Variants in MAML3 observed in about 807,000 individuals in gnomAD.
MAML3 encodes the protein mastermind like transcriptional coactivator 3.
Under a neutral mutation model 101.9 loss-of-function variants are expected in MAML3, and 27 were observed. The observed-to-expected ratio is 0.27, with a 90% CI of 0.20 to 0.37. The LOEUF is 0.37. Among genes scored for constraint, MAML3 ranks in the 10% least tolerant of loss-of-function variants. MAML3 has a pLI of 1.00. For missense variants in MAML3, 1,316 were observed against 1,444.9 expected, an observed-to-expected ratio of 0.91 and a Z score of 1.45; for synonymous variants, 501 against 555.9, an observed-to-expected ratio of 0.90 and a Z score of 1.39.
chr4:140,049,043 C>T (rs1485568357), intron 1 of MAML3, among the ~76,000 whole-genome samples: 1 of 152,106 alleles, frequency 6.6e-6, no homozygotes, highest in Non-Finnish European at 1.5e-5. Context: ...GGTCAACAGA[C>T]GTCTTTATTC....
At position 140,069,360 on chromosome 4, in the gene MAML3, G is replaced by GAGA. The variant is rs1343566107; in HGVS notation, c.468+83497_468+83499dup. Among the ~76,000 whole-genome samples, 77 of 33,800 alleles carry GAGA rather than the reference G, an allele frequency of 2.3e-3. 1 individual carries two copies. In the East Asian group the frequency reaches 0.024, roughly 11 times the overall value. The allele number at this position is 33,800 out of a possible 152,430, so 22.2% of individuals were successfully genotyped here. A position where few individuals can be genotyped will look rare whatever the true frequency, so the allele number is the denominator to read the frequency against. Reference sequence around the variant, plus strand: ...GGAGAAGGAGAAGGAGAAGGAGAAGGAGAAGAAGAAGAAGAAGAAGAAGAA... The same window carrying GAGA: ...GGAGAAGGAGAAGGAGAAGGAGAAGGAGAAGAAGAAGAAGAAGAAGAAGAAGAA... On this transcript the variant is annotated intron_variant, in intron 1 of 4. Coordinates refer to ENST00000509479, the MANE Select transcript of MAML3 (RefSeq NM_018717.5).
At chr4:139,980,083 A>G (rs1320844051) in intron 1 of MAML3, among the ~76,000 whole-genome samples, 1 of 151,980 alleles carries the variant, frequency 6.6e-6, no homozygotes, top group Non-Finnish European at 1.5e-5. Context: ...CTCTCCCTTT[A>G]TGCATTCGGC....
chr4:139,719,963 G>T lies in MAML3; in HGVS notation c.2777C>A (p.Thr926Asn). 1 of 1,614,100 alleles carries T rather than the reference G, an allele frequency of 6.2e-7. No homozygotes were observed. Among genetic ancestry groups the T allele is most frequent in the Non-Finnish European group, 8.5e-7 (1 of 1,179,916 alleles). The change falls in exon 5 of 5, where the codon ACC becomes AAC. Residue 926 changes from threonine to asparagine, a missense_variant. Coordinates refer to ENST00000509479, the MANE Select transcript of MAML3 (RefSeq NM_018717.5). Reference sequence around the variant, plus strand: ...CCCTTTCATCTGTGGATGTTGCTGGGTAATGGCTGAGTTCACCAGCATGCT... The same window carrying T: ...CCCTTTCATCTGTGGATGTTGCTGGTTAATGGCTGAGTTCACCAGCATGCT... ...GQSMLVNSAI[T>N]QQHPQMKGPV...
intron 2 of MAML3, among the ~76,000 whole-genome samples, chr4:139,760,217 C>A (rs991339046): frequency 2.0e-5 from 3 of 152,194 alleles, no homozygotes; most frequent in Non-Finnish European, 2.9e-5. Context: ...TACAATGATA[C>A]AAACCTGAAA....
At chr4:139,803,599 T>C (rs988514041) in intron 2 of MAML3, among the ~76,000 whole-genome samples, 2 of 152,156 alleles carry the variant, frequency 1.3e-5, no homozygotes, top group African/African-American at 4.8e-5. Context: ...ATGTTTGGTG[T>C]ATGCAGGGTG....
At chr4:139,898,489 AT>A (rs1162741745) in intron 1 of MAML3, among the ~76,000 whole-genome samples, 1 of 152,220 alleles carries the variant, frequency 6.6e-6, no homozygotes, top group Non-Finnish European at 1.5e-5. Context: ...TCAGACTTGA[AT>A]TTTAAATTTC....
chr4:139,944,602 GA>G (rs1187592829), intron 1 of MAML3, among the ~76,000 whole-genome samples: 1 of 151,174 alleles, frequency 6.6e-6, no homozygotes, highest in African/African-American at 2.4e-5. Context: ...AAATTTACAA[GA>G]AAAAAACAAA....
intron 1 of MAML3, among the ~76,000 whole-genome samples, chr4:140,013,621 A>G (rs1055924242): frequency 6.6e-6 from 1 of 152,030 alleles, no homozygotes; most frequent in Admixed American, 6.6e-5. Flanking sequence ...TATTATTTCC[A>G]TTTTCTAGAT....
At chr4:140,064,802 C>A (rs1040926420) in intron 1 of MAML3, among the ~76,000 whole-genome samples, 1 of 152,156 alleles carries the variant, frequency 6.6e-6, no homozygotes, top group African/African-American at 2.4e-5. Context: ...CCCTACTCGC[C>A]TTACCAAAAA....
chr4:140,030,157 C>T (rs914681016), intron 1 of MAML3, among the ~76,000 whole-genome samples: 5 of 152,166 alleles, frequency 3.3e-5, no homozygotes, highest in African/African-American at 9.7e-5. Context: ...GGTGCTGATG[C>T]GGTCCCTGGT....
At chr4:139,858,859 A>G (rs1401906784) in intron 2 of MAML3, among the ~76,000 whole-genome samples, 2 of 152,214 alleles carry the variant, frequency 1.3e-5, no homozygotes, top group African/African-American at 4.8e-5. Flanking sequence ...GAAATTTAGA[A>G]TATGAACCAC....
intron 2 of MAML3, among the ~76,000 whole-genome samples, chr4:139,856,428 G>A (rs1183647712): frequency 6.6e-6 from 1 of 152,170 alleles, no homozygotes; most frequent in Admixed American, 6.5e-5. Flanking sequence ...CACAAGCAGC[G>A]ACTGACTTTA....
intron 2 of MAML3, among the ~76,000 whole-genome samples, chr4:139,768,510 C>T (rs911083351): frequency 5.9e-5 from 9 of 152,258 alleles, no homozygotes; most frequent in African/African-American, 2.2e-4. Context: ...GGCCATATTA[C>T]AGTATGGGCT....
chr4:140,095,690 C>G (rs560879943), intron 1 of MAML3, among the ~76,000 whole-genome samples: 2 of 152,064 alleles, frequency 1.3e-5, no homozygotes, highest in South Asian at 4.2e-4. Context: ...CCGAGCCCCC[C>G]AATAACATCT....
intron 2 of MAML3, among the ~76,000 whole-genome samples, chr4:139,872,358 A>G (rs1396427048): frequency 1.3e-5 from 2 of 152,206 alleles, no homozygotes; most frequent in African/African-American, 4.8e-5. Context: ...TAGGTGATTC[A>G]TATTTGAATG....
Position 139,808,600 on chromosome 4 carries a change from T to C in MAML3, c.2080-77933A>G, listed in dbSNP as rs139165448. Among the ~76,000 whole-genome samples the C allele has an allele frequency of 4.2e-3, 644 of 152,280 alleles. 8 individuals are homozygous for C. The highest frequency in any genetic ancestry group is 0.014 in the African/African-American group (594 of 41,558). On this transcript the variant is annotated intron_variant, in intron 2 of 4. Coordinates refer to ENST00000509479, the MANE Select transcript of MAML3 (RefSeq NM_018717.5). ...AAAGGAGGAAGCAGGTGACACATTA[T>C]AGGATACACAGCAATGGATAAGCCT...
chr4:139,889,101 T>C, intron 2 of MAML3: 1 of 690,764 alleles, frequency 1.4e-6, no homozygotes, highest in South Asian at 1.4e-5. Flanking sequence ...ATGTAATTCT[T>C]ATCTGCAGTT....
chr4:139,853,811 A>G (rs1731603677), intron 2 of MAML3, among the ~76,000 whole-genome samples: 1 of 151,642 alleles, frequency 6.6e-6, no homozygotes, highest in East Asian at 1.9e-4. Flanking sequence ...CCTTGGATAA[A>G]TTTTTTATTT....
intron 1 of MAML3, among the ~76,000 whole-genome samples, chr4:140,069,109 C>T (rs1727586513): frequency 6.6e-6 from 1 of 152,116 alleles, no homozygotes; most frequent in Non-Finnish European, 1.5e-5. Context: ...TGAATAACCA[C>T]ATAATCAATA....
Sources: gnomAD v4.1 joint callset for allele counts (sites outside exome capture counted in the v4.1 genomes callset) on GRCh38, gnomAD v4.1.1 for gene constraint, MANE v1.5 for transcripts, NCBI Gene and HGNC (gene_info 2026-07-23, HGNC 2026-07-21) for gene names.